TRPM3: variants seen among roughly 807,000 people sequenced by gnomAD.
TRPM3 encodes the protein transient receptor potential cation channel subfamily M member 3, also known as long transient receptor potential channel 3.
Under a neutral mutation model 181.2 loss-of-function variants are expected in TRPM3, and 77 were observed. The ratio of observed to expected loss-of-function variants is 0.42; its 90% CI spans 0.35 to 0.51. The LOEUF is 0.51. Among genes scored for constraint, TRPM3 ranks in the 20% least tolerant of loss-of-function variants. The pLI, the probability that TRPM3 is intolerant of heterozygous loss-of-function variation, is 0.01. For synonymous variants in TRPM3, 745 were observed against 796.4 expected (o/e 0.94, Z 1.09); for missense variants, 1,759 against 2,196.7 (o/e 0.80, Z 3.98).
intron 1 of TRPM3, among the ~76,000 whole-genome samples, chr9:71,199,911 C>A (rs1173827335): frequency 6.6e-6 from 1 of 152,112 alleles, no homozygotes; most frequent in Non-Finnish European, 1.5e-5. Context: ...TTGCCTTCTG[C>A]TAGCTTTTGA....
At chr9:70,960,688 T>G (rs545722973) in intron 1 of TRPM3, among the ~76,000 whole-genome samples, 7 of 152,290 alleles carry the variant, frequency 4.6e-5, no homozygotes, top group Admixed American at 4.6e-4. Flanking sequence ...AAGCATAGCA[T>G]GGGTGGGCAC....
intron 3 of TRPM3, 102 bp downstream of exon 3, chr9:70,862,806 G>C (rs920560911): frequency 4.1e-5 from 48 of 1,167,244 alleles, no homozygotes; most frequent in Non-Finnish European, 5.6e-5. Flanking sequence ...TGGCAGAGTG[G>C]AGATTAGGCC....
intron 1 of TRPM3, among the ~76,000 whole-genome samples, chr9:71,166,935 TAATATGAA>T (rs1318917499): frequency 1.3e-5 from 2 of 152,134 alleles, no homozygotes; most frequent in African/African-American, 4.8e-5. Flanking sequence ...TGATGAGAAA[TAATATGAA>T]AATGTCCCAG....
intron 9 of TRPM3, among the ~76,000 whole-genome samples, chr9:70,642,551 G>T (rs1227172916): frequency 6.6e-6 from 1 of 152,144 alleles, no homozygotes; most frequent in Non-Finnish European, 1.5e-5. Flanking sequence ...CTTCGCTCAG[G>T]GTGCATCCCA....
At chr9:70,759,306 T>C (rs2077662400) in intron 8 of TRPM3, among the ~76,000 whole-genome samples, 1 of 152,170 alleles carries the variant, frequency 6.6e-6, no homozygotes, top group Non-Finnish European at 1.5e-5. Context: ...CCAGTTAGAA[T>C]GGCAATCATT....
At chr9:70,923,183 TA>T (rs2096675661) in intron 1 of TRPM3, among the ~76,000 whole-genome samples, 1 of 152,160 alleles carries the variant, frequency 6.6e-6, no homozygotes, top group South Asian at 2.1e-4. Context: ...AAAAAAAGCC[TA>T]AAAAACCTGA....
At chr9:70,665,253 C>T (rs1249737408) in intron 9 of TRPM3, among the ~76,000 whole-genome samples, 6 of 152,018 alleles carry the variant, frequency 3.9e-5, no homozygotes, top group Non-Finnish European at 7.4e-5. Context: ...AGATCTCACT[C>T]ACTCTGAAGA....
chr9:70,587,473 G>T (rs144325624), intron 22 of TRPM3, among the ~76,000 whole-genome samples: 1 of 152,174 alleles, frequency 6.6e-6, no homozygotes, highest in African/African-American at 2.4e-5. Flanking sequence ...TGCCAACAAA[G>T]GTGCACTTCT....
At chr9:70,584,100 C>T (rs568798870) in intron 22 of TRPM3, among the ~76,000 whole-genome samples, 25 of 151,940 alleles carry the variant, frequency 1.6e-4, no homozygotes, top group African/African-American at 3.4e-4. Flanking sequence ...AGTGCAGTGG[C>T]GCAATAATGT....
chr9:70,940,144 T>G (rs1054384535), intron 1 of TRPM3, among the ~76,000 whole-genome samples: 2 of 152,220 alleles, frequency 1.3e-5, no homozygotes, highest in Admixed American at 1.3e-4. Flanking sequence ...AGAATTTATG[T>G]GCCAGCCTCT....
At chr9:70,554,265 T>C (rs2047139543) in intron 22 of TRPM3, among the ~76,000 whole-genome samples, 1 of 152,108 alleles carries the variant, frequency 6.6e-6, no homozygotes, top group African/African-American at 2.4e-5. Context: ...GTGCCAGGCA[T>C]GGGTGAGGTA....
chr9:70,793,636 G>A (rs1427341786), intron 6 of TRPM3: 4 of 470,312 alleles, frequency 8.5e-6, no homozygotes, highest in South Asian at 6.2e-5. Context: ...CTTGCTCTAA[G>A]GCAGTCTTCA....
intron 9 of TRPM3, among the ~76,000 whole-genome samples, chr9:70,660,745 T>C (rs1459387024): frequency 6.6e-6 from 1 of 151,690 alleles, no homozygotes. Context: ...CAGGAAGAAA[T>C]AGAAACCCTG....
chr9:70,867,528 G>A (rs1056252669), intron 1 of TRPM3, among the ~76,000 whole-genome samples: 24 of 152,120 alleles, frequency 1.6e-4, no homozygotes, highest in African/African-American at 5.3e-4. Context: ...AAAAGACTGA[G>A]AATCGTTTCT....
intron 1 of TRPM3, among the ~76,000 whole-genome samples, chr9:70,918,671 A>C (rs1419140518): frequency 6.6e-6 from 1 of 152,168 alleles, no homozygotes; most frequent in African/African-American, 2.4e-5. Flanking sequence ...AAAGAAGAAA[A>C]ACTTCAAATA....
At chr9:71,201,055 T>G (rs1484201305) in intron 1 of TRPM3, among the ~76,000 whole-genome samples, 1 of 152,102 alleles carries the variant, frequency 6.6e-6, no homozygotes, top group Admixed American at 6.6e-5. Flanking sequence ...AGGAGCTCTT[T>G]TAGGGCAGGC....
chr9:71,011,964 G>A (rs991543051), intron 1 of TRPM3, among the ~76,000 whole-genome samples: 1 of 151,590 alleles, frequency 6.6e-6, no homozygotes. Context: ...TATATTTTTA[G>A]TAGAGATAGG....
At chr9:70,833,344 AC>A (rs2094081099) in intron 5 of TRPM3, among the ~76,000 whole-genome samples, 1 of 152,154 alleles carries the variant, frequency 6.6e-6, no homozygotes, top group African/African-American at 2.4e-5. Flanking sequence ...AAACCTCATT[AC>A]CTACTGAATT....
intron 1 of TRPM3, among the ~76,000 whole-genome samples, chr9:71,357,518 G>C (rs1286327868): frequency 2.0e-5 from 3 of 152,004 alleles, no homozygotes; most frequent in Non-Finnish European, 4.4e-5. Flanking sequence ...CCTCGCTTTG[G>C]CAGGAATTTG....
Sources: gnomAD v4.1 joint callset for allele counts (sites outside exome capture counted in the v4.1 genomes callset) on GRCh38, gnomAD v4.1.1 for gene constraint, MANE v1.5 for transcripts, NCBI Gene and HGNC (gene_info 2026-07-23, HGNC 2026-07-21) for gene names.